Variants in OTUD7A observed in about 807,000 individuals in gnomAD.
OTUD7A encodes OTU domain-containing protein 7A.
A neutral mutation model predicts 65.7 loss-of-function variants in OTUD7A; 12 were observed. The observed-to-expected ratio is 0.18, with a 90% CI of 0.12 to 0.30. The LOEUF is 0.30. Ranked by LOEUF, OTUD7A falls within the 10% of genes least tolerant of loss-of-function variation. The pLI is 1.00. For synonymous variants in OTUD7A, 641 were observed against 586.3 expected (o/e 1.09, Z -1.35); for missense variants, 1,148 against 1,304.8 (o/e 0.88, Z 1.85).
intron 1 of OTUD7A, among the ~76,000 whole-genome samples, chr15:31,806,626 C>G (rs764620047): frequency 2.6e-5 from 4 of 152,218 alleles, no homozygotes; most frequent in Non-Finnish European, 5.9e-5. Context: ...AAAGGCTGAT[C>G]ATCCCATCCT....
chr15:31,610,991 T>C (rs1890403056), intron 3 of OTUD7A, among the ~76,000 whole-genome samples: 1 of 151,826 alleles, frequency 6.6e-6, no homozygotes, highest in African/African-American at 2.4e-5. Flanking sequence ...GGAAATCAAC[T>C]CCAAAAGGAA....
chr15:31,519,926 A>C (rs2041915328), intron 8 of OTUD7A, among the ~76,000 whole-genome samples: 1 of 152,250 alleles, frequency 6.6e-6, no homozygotes, highest in South Asian at 2.1e-4. Context: ...CGAGGAATAT[A>C]TTTAACCAGG....
In OTUD7A at chr15:31,765,831, C is replaced by G. The variant is rs898382706; in HGVS notation, c.-100+104676G>C. The G allele has an allele frequency of 3.8e-6, 5 of 1,329,058 alleles. No individual in the cohort carries two copies. The African/African-American group carries it at 7.2e-5, about 19-fold the overall frequency. The allele number at this position is 1,329,058 out of a possible 1,614,324, so 82.3% of individuals were successfully genotyped here. A position where few individuals can be genotyped will look rare whatever the true frequency, so the allele number is the denominator to read the frequency against. ...TTTGTCACCAAAAAGTGCTGCTTCA[C>G]TCTCCATGGTTGGAAATCTTTTCTG... On this transcript the variant is annotated intron_variant, in intron 1 of 12. Coordinates refer to ENST00000307050, the MANE Select transcript of OTUD7A (RefSeq NM_001382637.1).
chr15:31,527,254 A>G lies in OTUD7A; in HGVS notation c.707T>C (p.Met236Thr). 6.2e-7 allele frequency: 1 copy of G among 1,614,118 alleles called. No individual in the cohort carries two copies. The highest frequency in any genetic ancestry group is 8.5e-7 in the Non-Finnish European group (1 of 1,180,022). The change falls in exon 7 of 13, where the codon ATG becomes ACG. Residue 236 changes from methionine (M) to threonine (T), a missense_variant. Met to Thr is a moderately conservative substitution (Grantham distance 81). This residue lies in a region of OTUD7A where 134 missense variants were observed against 252.6 expected (regional missense o/e 0.53). Transcript: ENST00000307050. ...DLVLRKALYT[M>T]MRTGAEREAL... ...TTCCCTCTCAGCTCCCGTCCTCATC[A>G]TGGTATAGAGAGCTTTCCGTAACAC...
chr15:31,852,090 C>T (rs1347180749), intron 1 of OTUD7A, among the ~76,000 whole-genome samples: 1 of 152,210 alleles, frequency 6.6e-6, no homozygotes, highest in Non-Finnish European at 1.5e-5. Flanking sequence ...AACTCCTGAC[C>T]TCATGATCCG....
Position 31,498,878 on chromosome 15 carries a change from C to T in OTUD7A, c.1171+2812G>A, listed in dbSNP as rs549057747. ...CCATAGCTGACCAGTCCCACCAGCT[C>T]CTGACCTTCCACCTCAAGCCCTTCC... On this transcript the variant is annotated intron_variant, in intron 10 of 12. Transcript: ENST00000307050. The surrounding 1 kb of genome is among the most constrained non-coding windows in gnomAD (Gnocchi z 4.2). Among the ~76,000 whole-genome samples the T allele has an allele frequency of 6.8e-4, 104 of 152,348 alleles. No individual in the cohort carries two copies. Among genetic ancestry groups the T allele is most frequent in the Non-Finnish European group, 9.6e-4 (65 of 68,030 alleles).
At chr15:31,649,613 C>A (rs547828840) in intron 3 of OTUD7A, 10 of 177,104 alleles carry the variant, frequency 5.6e-5, no homozygotes, top group Non-Finnish European at 7.6e-5. Flanking sequence ...TTAGAGAAAT[C>A]TTCACCCAAA....
chr15:31,645,784 A>G (rs1595681493), intron 3 of OTUD7A, among the ~76,000 whole-genome samples: 1 of 152,232 alleles, frequency 6.6e-6, no homozygotes, highest in Non-Finnish European at 1.5e-5. Context: ...TTGGCAAACT[A>G]CTGCCCATAG....
At chr15:31,630,591 T>C (rs1271725602) in intron 3 of OTUD7A, among the ~76,000 whole-genome samples, 9 of 152,220 alleles carry the variant, frequency 5.9e-5, no homozygotes, top group Admixed American at 5.2e-4. Flanking sequence ...GTTCTGTAGA[T>C]GTCTATTAGG....
intron 10 of OTUD7A, among the ~76,000 whole-genome samples, chr15:31,495,432 T>C (rs73370534): frequency 0.072 from 10,986 of 152,258 alleles, 1,339 homozygotes; most frequent in African/African-American, 0.25. Context: ...CTTTGTGATC[T>C]GTAGGTCAAC....
At chr15:31,602,460 T>C (rs1890106475) in intron 3 of OTUD7A, among the ~76,000 whole-genome samples, 1 of 152,148 alleles carries the variant, frequency 6.6e-6, no homozygotes, top group Non-Finnish European at 1.5e-5. Flanking sequence ...TATCTCAAAA[T>C]ATTAAGAGCT....
chr15:31,522,458 G>A (rs964992332), intron 8 of OTUD7A, among the ~76,000 whole-genome samples: 3 of 152,216 alleles, frequency 2.0e-5, no homozygotes, highest in South Asian at 2.1e-4. Flanking sequence ...ATGCCAGATC[G>A]TGGGAATTCT....
At chr15:31,775,400 C>T (rs1019744668) in intron 1 of OTUD7A, among the ~76,000 whole-genome samples, 8 of 151,864 alleles carry the variant, frequency 5.3e-5, no homozygotes, top group East Asian at 1.9e-4. Flanking sequence ...GGAGTTTATA[C>T]TCCAATAAGA....
chr15:31,612,050 CAT>C lies in OTUD7A; in HGVS notation c.152-41855_152-41854del, dbSNP rs553952086. On this transcript the variant is annotated intron_variant, in intron 3 of 12. Coordinates refer to ENST00000307050, the MANE Select transcript of OTUD7A (RefSeq NM_001382637.1). ...CATAAACAGAATTAAAAACAAAAAT[CAT>C]GTGATCATTTCAATAGATGCAGAAA... Among the ~76,000 whole-genome samples, 18 of 152,254 alleles carry C rather than the reference CAT, an allele frequency of 1.2e-4. No homozygotes were observed. In the East Asian group the frequency reaches 3.3e-3, roughly 28 times the overall value.
At chr15:31,812,203 C>G (rs1329928380) in intron 1 of OTUD7A, among the ~76,000 whole-genome samples, 1 of 152,070 alleles carries the variant, frequency 6.6e-6, no homozygotes, top group African/African-American at 2.4e-5. Context: ...CCTGGACCCA[C>G]TGCCATACTA....
intron 1 of OTUD7A, among the ~76,000 whole-genome samples, chr15:31,844,258 G>C (rs1357590402): frequency 6.6e-6 from 1 of 152,222 alleles, no homozygotes; most frequent in South Asian, 2.1e-4. Flanking sequence ...TGTAATCCCA[G>C]CTCTTTGGGA....
intron 1 of OTUD7A, among the ~76,000 whole-genome samples, chr15:31,867,365 T>C (rs1897904044): frequency 6.6e-6 from 1 of 152,284 alleles, no homozygotes; most frequent in East Asian, 1.9e-4. Flanking sequence ...GAAATAAATG[T>C]GGCACCATCA....
chr15:31,821,613 G>A (rs895037770), intron 1 of OTUD7A, among the ~76,000 whole-genome samples: 2 of 152,028 alleles, frequency 1.3e-5, no homozygotes, highest in Non-Finnish European at 2.9e-5. Flanking sequence ...GTGTGAACAT[G>A]TTTTCATTTC....
chr15:31,590,034 C>T (rs564520278), intron 3 of OTUD7A, among the ~76,000 whole-genome samples: 2 of 152,256 alleles, frequency 1.3e-5, no homozygotes, highest in South Asian at 4.1e-4. Flanking sequence ...CACACACCAT[C>T]ATGTGCTATA....
Sources: allele counts gnomAD v4.1 joint callset (sites outside exome capture counted in the v4.1 genomes callset), GRCh38; gene constraint gnomAD v4.1.1; regional missense constraint gnomAD v4.1.1; non-coding constraint Gnocchi (gnomAD v3.1); transcripts MANE v1.5; gene names NCBI Gene and HGNC (gene_info 2026-07-23, HGNC 2026-07-21).